CATSPERT: variants seen among roughly 807,000 people sequenced by gnomAD.
CATSPERT encodes cation channel sperm-associated targeting subunit tau.
At chr2:201,559,564 C>T in the CATSPERT span, among the ~76,000 whole-genome samples, 1 of 152,216 alleles carries the variant, frequency 6.6e-6, no homozygotes. Context: ...CTGCATGCCA[C>T]CCATTTAAGA....
chr2:201,581,427 T>G, the CATSPERT span, among the ~76,000 whole-genome samples: 1 of 98,240 alleles, frequency 1.0e-5, no homozygotes, highest in Non-Finnish European at 2.0e-5. Context: ...TTTGGTTACT[T>G]AATTTCATAT....
chr2:201,576,671 G>A, the CATSPERT span, among the ~76,000 whole-genome samples: 2 of 152,166 alleles, frequency 1.3e-5, no homozygotes, highest in East Asian at 1.9e-4. Flanking sequence ...GTGTGCCCAC[G>A]GCACGCGGAG....
chr2:201,494,396 C>G, the CATSPERT span: 5 of 1,537,350 alleles, frequency 3.3e-6, no homozygotes, highest in East Asian at 1.2e-4. Context: ...TTTGCCTGTA[C>G]ATTTCCAGCC....
chr2:201,579,360 C>T, the CATSPERT span, among the ~76,000 whole-genome samples: 8 of 152,180 alleles, frequency 5.3e-5, no homozygotes, highest in South Asian at 4.1e-4. Context: ...CCTGCCTCAG[C>T]CCCCCATGCA....
chr2:201,611,355 G>C, the CATSPERT span, among the ~76,000 whole-genome samples: 1 of 152,228 alleles, frequency 6.6e-6, no homozygotes, highest in East Asian at 1.9e-4. Context: ...TTAACAACAG[G>C]CTTCTGAATA....
chr2:201,573,491 G>A, the CATSPERT span, among the ~76,000 whole-genome samples: 3 of 152,010 alleles, frequency 2.0e-5, no homozygotes, highest in South Asian at 2.1e-4. Context: ...GTGATCCTCC[G>A]GCTTCAGCCT....
chr2:201,518,895 A>G, the CATSPERT span, among the ~76,000 whole-genome samples: 3 of 152,114 alleles, frequency 2.0e-5, no homozygotes, highest in African/African-American at 7.2e-5. Context: ...CTGGAAGGGG[A>G]CATGGAGACA....
At chr2:201,586,950 T>A in the CATSPERT span, among the ~76,000 whole-genome samples, 1 of 152,082 alleles carries the variant, frequency 6.6e-6, no homozygotes, top group Non-Finnish European at 1.5e-5. Context: ...CTCATCTTCC[T>A]CCCTCCTTCC....
At chr2:201,608,035 G>A in the CATSPERT span, among the ~76,000 whole-genome samples, 1 of 152,292 alleles carries the variant, frequency 6.6e-6, no homozygotes, top group South Asian at 2.1e-4. Flanking sequence ...TGCATTATGG[G>A]ACAGCAATGC....
the CATSPERT span, among the ~76,000 whole-genome samples, chr2:201,615,786 T>TC: frequency 6.6e-6 from 1 of 151,812 alleles, no homozygotes; most frequent in South Asian, 2.1e-4. Flanking sequence ...TCTGAAAAGA[T>TC]CAACAAAATT....
the CATSPERT span, among the ~76,000 whole-genome samples, chr2:201,580,128 G>A: frequency 6.6e-6 from 1 of 152,156 alleles, no homozygotes; most frequent in African/African-American, 2.4e-5. Flanking sequence ...TTACAGGCCT[G>A]AGCCACTGCA....
the CATSPERT span, chr2:201,495,800 C>A: frequency 1.8e-5 from 12 of 666,136 alleles, no homozygotes; most frequent in Admixed American, 3.8e-5. Flanking sequence ...CCAGGTGTTT[C>A]TAATGAGTAG....
the CATSPERT span, chr2:201,571,871 C>T: frequency 7.0e-7 from 1 of 1,423,300 alleles, no homozygotes; most frequent in Non-Finnish European, 9.8e-7. Flanking sequence ...CAAAATGCTC[C>T]ACCAAATGGA....
the CATSPERT span, chr2:201,491,341 A>G: frequency 1.3e-6 from 2 of 1,537,636 alleles, no homozygotes; most frequent in African/African-American, 1.4e-5. Context: ...TAGATCTTCT[A>G]TCTTAAATAA....
chr2:201,600,230 T>A, the CATSPERT span, among the ~76,000 whole-genome samples: 2 of 152,170 alleles, frequency 1.3e-5, no homozygotes, highest in East Asian at 3.9e-4. Flanking sequence ...ATGTGGCACA[T>A]ATACACCATG....
At chr2:201,533,323 T>C in the CATSPERT span, among the ~76,000 whole-genome samples, 8 of 152,298 alleles carry the variant, frequency 5.3e-5, no homozygotes, top group East Asian at 1.5e-3. Context: ...GGGCTGCAAC[T>C]ACAAACAGAA....
At chr2:201,577,446 C>T in the CATSPERT span, among the ~76,000 whole-genome samples, 7 of 152,158 alleles carry the variant, frequency 4.6e-5, no homozygotes, top group Non-Finnish European at 1.0e-4. Flanking sequence ...GAGATATCTG[C>T]ACTCATGTCA....
At chr2:201,615,963 T>C in the CATSPERT span, among the ~76,000 whole-genome samples, 1 of 152,016 alleles carries the variant, frequency 6.6e-6, no homozygotes, top group Non-Finnish European at 1.5e-5. Context: ...CTAGAAGAAA[T>C]GGATAAATTC....
At chr2:201,534,806 A>G in the CATSPERT span, 1 of 893,584 alleles carries the variant, frequency 1.1e-6, no homozygotes, top group African/African-American at 1.8e-5. Context: ...TTAATGTCCA[A>G]CAATATGAAA....
Sources: gnomAD v4.1 joint callset for allele counts (sites outside exome capture counted in the v4.1 genomes callset) on GRCh38, gnomAD v4.1.1 for gene constraint, MANE v1.5 for transcripts, NCBI Gene and HGNC (gene_info 2026-07-23, HGNC 2026-07-21) for gene names.